The following UGT8 variants were observed in gnomAD, a reference collection of about 807,000 sequenced individuals.
UGT8 encodes UDP glycosyltransferase 8.
UGT8 carries 12 observed loss-of-function variants against 40.5 expected under a neutral mutation model. The ratio of observed to expected loss-of-function variants is 0.30; its 90% CI spans 0.19 to 0.48. The LOEUF is 0.48. UGT8 is among the 20% of genes least tolerant of loss of function. The pLI, the probability that UGT8 is intolerant of heterozygous loss-of-function variation, is 0.99. For missense variants in UGT8, 513 were observed against 648.7 expected, an observed-to-expected ratio of 0.79 and a Z score of 2.27; for synonymous variants, 224 against 240.4, an observed-to-expected ratio of 0.93 and a Z score of 0.63.
chr4:114,645,577 A>G (rs1016004725), intron 2 of UGT8, among the ~76,000 whole-genome samples: 3 of 152,160 alleles, frequency 2.0e-5, no homozygotes, highest in African/African-American at 7.2e-5. Flanking sequence ...GTAACTGTGT[A>G]CTAACATTTC....
intron 1 of UGT8, among the ~76,000 whole-genome samples, chr4:114,601,808 A>C (rs545524805): frequency 2.0e-5 from 3 of 151,766 alleles, no homozygotes; most frequent in East Asian, 1.9e-4. Context: ...ATAGAGACAG[A>C]AGTACCATTC....
In UGT8 at chr4:114,640,033, G is replaced by GTT. The variant is rs5861187; in HGVS notation, c.822+16345_822+16346dup. Among the ~76,000 whole-genome samples the GTT allele has an allele frequency of 3.3e-3, 463 of 139,128 alleles. 9 individuals are homozygous for GTT. Among genetic ancestry groups the GTT allele is most frequent in the Middle Eastern group, 0.015 (4 of 268 alleles). 91.3% of individuals were successfully genotyped at this position (139,128 alleles called of 152,430 possible). On this transcript the variant is annotated intron_variant, in intron 2 of 5. Transcript: ENST00000310836. ...GTTTCATGTAAAAATATGTTTGTTTGTTTTTTTTTTTTTTTGAGACGGAGT... is the reference window on the plus strand; with the variant it reads ...GTTTCATGTAAAAATATGTTTGTTTGTTTTTTTTTTTTTTTTTGAGACGGAGT...
In UGT8 at chr4:114,676,092, T is replaced by C. The variant is rs1221952946; in HGVS notation, c.1430T>C (p.Ile477Thr). ...TTTTGTCAGTATTTTTTACTGGATA[T>C]TGCCTTTGTGCTTTTGCTTGGTGCT... ...ISFCQYFLLDIAFVLLLGAAL... is the reference protein window; with the variant it reads ...ISFCQYFLLDTAFVLLLGAAL... The change falls in exon 6 of 6, where the codon ATT (isoleucine) becomes ACT (threonine). Residue 477 changes from isoleucine (I) to threonine (T), a missense_variant. This residue lies in a region of UGT8 where 175 missense variants were observed against 186.7 expected (regional missense o/e 0.94). Coordinates refer to ENST00000310836, the MANE Select transcript of UGT8 (RefSeq NM_001128174.3). 1 of 1,614,232 alleles carries C rather than the reference T, an allele frequency of 6.2e-7. No individual in the cohort carries two copies. Among genetic ancestry groups the C allele is most frequent in the Non-Finnish European group, 8.5e-7 (1 of 1,180,046 alleles).
At chr4:114,616,442 G>C (rs200695195) in intron 1 of UGT8, among the ~76,000 whole-genome samples, 2 of 152,168 alleles carry the variant, frequency 1.3e-5, no homozygotes, top group East Asian at 1.9e-4. Context: ...TGCTAAGACC[G>C]TTGGAAAAGT....
intron 2 of UGT8, among the ~76,000 whole-genome samples, chr4:114,658,025 G>C (rs1734291991): frequency 1.3e-5 from 2 of 152,134 alleles, no homozygotes; most frequent in Admixed American, 1.3e-4. Flanking sequence ...TATTTTCAGT[G>C]TTGTTTGTTG....
chr4:114,645,600 C>T (rs1357200084), intron 2 of UGT8, among the ~76,000 whole-genome samples: 1 of 151,956 alleles, frequency 6.6e-6, no homozygotes, highest in East Asian at 1.9e-4. Context: ...ATATTTTATA[C>T]AAGATGAAAA....
rs527525365 is a variant in UGT8 at position 114,602,791 on chromosome 4, G to C, written c.-3+3817G>C. Among the ~76,000 whole-genome samples the C allele has an allele frequency of 3.5e-4, 54 of 152,326 alleles. No individual in the cohort carries two copies. In the South Asian group the frequency reaches 4.8e-3, roughly 13 times the overall value. On this transcript the variant is annotated intron_variant, in intron 1 of 5. Coordinates refer to ENST00000310836, the MANE Select transcript of UGT8 (RefSeq NM_001128174.3). ...ACAGGAGATTTGAGGGTTTCTTAGA[G>C]GGTGACATAAAAGATGAATCACTGG...
chr4:114,662,594 T>A (rs1252700209), intron 2 of UGT8, among the ~76,000 whole-genome samples: 1 of 152,188 alleles, frequency 6.6e-6, no homozygotes, highest in Non-Finnish European at 1.5e-5. Flanking sequence ...TGTACCTCCT[T>A]TCTGTCATCA....
intron 3 of UGT8, among the ~76,000 whole-genome samples, chr4:114,664,895 A>G (rs1168928329): frequency 1.3e-5 from 2 of 152,206 alleles, no homozygotes; most frequent in African/African-American, 4.8e-5. Flanking sequence ...TTTGAGTAAT[A>G]GAGATTTTCC....
At chr4:114,629,958 C>G (rs971830090) in intron 2 of UGT8, among the ~76,000 whole-genome samples, 2 of 152,150 alleles carry the variant, frequency 1.3e-5, no homozygotes, top group Admixed American at 1.3e-4. Context: ...ATATTTTTAA[C>G]TGATAATTTT....
At chr4:114,615,321 T>C (rs1731338768) in intron 1 of UGT8, among the ~76,000 whole-genome samples, 2 of 152,170 alleles carry the variant, frequency 1.3e-5, no homozygotes. Flanking sequence ...GGGGAAGGCA[T>C]GTAGCAATTA....
chr4:114,644,100 A>G (rs1339650832), intron 2 of UGT8, among the ~76,000 whole-genome samples: 2 of 152,180 alleles, frequency 1.3e-5, no homozygotes, highest in Non-Finnish European at 2.9e-5. Context: ...AGCACTTGTT[A>G]TGCCATTTCT....
intron 2 of UGT8, among the ~76,000 whole-genome samples, chr4:114,641,500 G>GT (rs1242161539): frequency 6.6e-6 from 1 of 152,154 alleles, no homozygotes; most frequent in African/African-American, 2.4e-5. Context: ...TAATACGTTA[G>GT]TTTTTTAAAA....
chr4:114,638,420 A>G (rs1733015994), intron 2 of UGT8, among the ~76,000 whole-genome samples: 1 of 152,180 alleles, frequency 6.6e-6, no homozygotes, highest in Admixed American at 6.5e-5. Context: ...GATCTGTGCT[A>G]AGAAAATGTT....
intron 2 of UGT8, among the ~76,000 whole-genome samples, chr4:114,625,388 A>C (rs1288123999): frequency 6.6e-6 from 1 of 151,636 alleles, no homozygotes; most frequent in African/African-American, 2.4e-5. Flanking sequence ...ATGCATGTCT[A>C]TAGTCCCAGC....
In UGT8 at chr4:114,646,249, T is replaced by C. The variant is rs760355272; in HGVS notation, c.823-17746T>C. Among the ~76,000 whole-genome samples the C allele has an allele frequency of 1.1e-4, 17 of 152,086 alleles. 1 individual carries two copies. The highest frequency in any genetic ancestry group is 2.4e-4 in the Non-Finnish European group (16 of 67,984). On this transcript the variant is annotated intron_variant, in intron 2 of 5. Transcript: ENST00000310836. ...CCAATTAAAAGAACCCCGAATCAGA[T>C]ATCTTTATTTGAACAAAAGAGCAAC...
In UGT8 at chr4:114,664,018, T is replaced by G. The variant is rs201527871; in HGVS notation, c.846T>G (p.Gly282=). The G allele has an allele frequency of 1.9e-6, 3 of 1,614,086 alleles. No homozygotes were observed. Among genetic ancestry groups the G allele is most frequent in the Non-Finnish European group, 2.5e-6 (3 of 1,179,966 alleles). ...AGGATCTCCAAAGATGGGTAAATGGTGCTAATGAACATGGCTTTGTCTTGG... is the reference window on the plus strand; with the variant it reads ...AGGATCTCCAAAGATGGGTAAATGGGGCTAATGAACATGGCTTTGTCTTGG... ...LPEDLQRWVN[G]ANEHGFVLVS... Residue 282 remains glycine (G), a synonymous_variant, in exon 3 of 6, where the codon GGT becomes GGG. Transcript: ENST00000310836.
chr4:114,619,104 T>C (rs1009847796), intron 1 of UGT8, among the ~76,000 whole-genome samples: 1 of 152,098 alleles, frequency 6.6e-6, no homozygotes, highest in Non-Finnish European at 1.5e-5. Context: ...ATTTTTCCAA[T>C]GAACATAGGT....
intron 1 of UGT8, among the ~76,000 whole-genome samples, chr4:114,620,414 CAGATTTGTGAG>C: frequency 6.6e-6 from 1 of 152,172 alleles, no homozygotes; most frequent in East Asian, 1.9e-4. Context: ...TTTCCTTCTT[CAGATTTGTGAG>C]AAGGCAACAT....
Sources: allele counts gnomAD v4.1 joint callset (sites outside exome capture counted in the v4.1 genomes callset), GRCh38; gene constraint gnomAD v4.1.1; regional missense constraint gnomAD v4.1.1; transcripts MANE v1.5; gene names NCBI Gene and HGNC (gene_info 2026-07-23, HGNC 2026-07-21).